Variants in GRM3 observed in about 807,000 individuals in gnomAD.
The protein encoded by GRM3 is metabotropic glutamate receptor 3.
Under a neutral mutation model 70.5 loss-of-function variants are expected in GRM3, and 26 were observed. The ratio of observed to expected loss-of-function variants is 0.37; its 90% CI spans 0.27 to 0.51. The LOEUF is 0.51. Ranked by LOEUF, GRM3 falls within the 20% of genes least tolerant of loss-of-function variation. The pLI is 0.93. For synonymous variants in GRM3, 443 were observed against 434.9 expected (o/e 1.02, Z -0.23); for missense variants, 859 against 1,123.8 (o/e 0.76, Z 3.37).
chr7:86,723,988 T>C (rs1795534166), intron 1 of GRM3, among the ~76,000 whole-genome samples: 2 of 152,198 alleles, frequency 1.3e-5, no homozygotes, highest in Admixed American at 1.3e-4. Flanking sequence ...TAACTATAAA[T>C]GAGGTAAATC....
At chr7:86,841,653 C>T (rs1000919485) in intron 4 of GRM3, among the ~76,000 whole-genome samples, 1 of 151,990 alleles carries the variant, frequency 6.6e-6, no homozygotes, top group African/African-American at 2.4e-5. Flanking sequence ...TGATTTGAAA[C>T]TCTTCATTCT....
intron 1 of GRM3, among the ~76,000 whole-genome samples, chr7:86,706,711 A>G (rs1795066366): frequency 6.6e-6 from 1 of 152,072 alleles, no homozygotes. Flanking sequence ...TATGCCAGGC[A>G]CATGATCTTG....
chr7:86,703,568 T>G (rs1794992842), intron 1 of GRM3, among the ~76,000 whole-genome samples: 1 of 152,008 alleles, frequency 6.6e-6, no homozygotes, highest in Non-Finnish European at 1.5e-5. Context: ...AAATGAGGAT[T>G]ATGTAATACT....
rs1386939409 is a variant in GRM3 at position 86,864,653 on chromosome 7, A to C, written c.*298A>C. 14 of 175,016 alleles carry C rather than the reference A, an allele frequency of 8.0e-5. No homozygotes were observed. The African/African-American group carries it at 8.3e-4, about 10-fold the overall frequency. 10.8% of individuals were successfully genotyped at this position (175,016 alleles called of 1,614,324 possible). A position where few individuals can be genotyped will look rare whatever the true frequency, so the allele number is the denominator to read the frequency against. On this transcript the variant is annotated 3_prime_UTR_variant, in exon 6 of 6. Transcript: ENST00000361669. Reference sequence around the variant, plus strand: ...TACTAAAAAACAAAAAAAAAAAACAAAAAAAAAAAAACAAAAGAAAAAAAT... The same window carrying C: ...TACTAAAAAACAAAAAAAAAAAACACAAAAAAAAAAACAAAAGAAAAAAAT...
chr7:86,856,410 C>T (rs138965911), intron 5 of GRM3, among the ~76,000 whole-genome samples: 52 of 149,026 alleles, frequency 3.5e-4, no homozygotes, highest in African/African-American at 1.3e-3. Context: ...CATGCCACTG[C>T]ACTCCAGCCT....
chr7:86,860,770 C>T, intron 5 of GRM3, among the ~76,000 whole-genome samples: 1 of 152,138 alleles, frequency 6.6e-6, no homozygotes, highest in South Asian at 2.1e-4. Context: ...CTATCTTTTG[C>T]AGACTCTGTC....
chr7:86,852,843 C>T (rs1798778609), intron 5 of GRM3, among the ~76,000 whole-genome samples: 1 of 152,058 alleles, frequency 6.6e-6, no homozygotes, highest in Non-Finnish European at 1.5e-5. Context: ...ATCACAAGTT[C>T]TATTTTATAG....
At position 86,644,559 on chromosome 7, in the gene GRM3, T is replaced by G. The variant is rs1212962954; in HGVS notation, c.-454T>G. ...TCTTTCCCCAACCTCCTCCCTCTCT[T>G]CTACTCCACCCCTCCGTTTTCCCAC... On this transcript the variant is annotated 5_prime_UTR_variant, in exon 1 of 6. Coordinates refer to ENST00000361669, the MANE Select transcript of GRM3 (RefSeq NM_000840.3). 1 of 396,798 alleles carries G rather than the reference T, an allele frequency of 2.5e-6. No homozygotes were observed. Among genetic ancestry groups the G allele is most frequent in the Non-Finnish European group, 5.0e-6 (1 of 198,190 alleles). 24.6% of individuals were successfully genotyped at this position (396,798 alleles called of 1,614,324 possible).
intron 1 of GRM3, among the ~76,000 whole-genome samples, chr7:86,652,639 A>T (rs1476112774): frequency 6.6e-6 from 1 of 152,166 alleles, no homozygotes; most frequent in African/African-American, 2.4e-5. Context: ...AGTAGCCGAT[A>T]GTATTAGGTC....
At chr7:86,764,780 G>C (rs1207218266) in intron 1 of GRM3, among the ~76,000 whole-genome samples, 3 of 152,044 alleles carry the variant, frequency 2.0e-5, no homozygotes, top group African/African-American at 7.2e-5. Flanking sequence ...TCACCTCCTT[G>C]ACCCTCTGTG....
intron 1 of GRM3, among the ~76,000 whole-genome samples, chr7:86,687,457 A>G (rs1262316442): frequency 6.6e-6 from 1 of 151,200 alleles, no homozygotes; most frequent in Non-Finnish European, 1.5e-5. Context: ...AAGACAATGG[A>G]TGGATATACT....
At position 86,732,075 on chromosome 7, in the gene GRM3, C is replaced by T. The variant is rs148356438; in HGVS notation, c.-140-32931C>T. ...ATTTTATTTCTAATAGCTACTTTAA[C>T]GAAGCACTGAGATGTTAAATTTTAA... On this transcript the variant is annotated intron_variant, in intron 1 of 5. Transcript: ENST00000361669. Among the ~76,000 whole-genome samples, 146 of 152,128 alleles carry T rather than the reference C, an allele frequency of 9.6e-4. 3 individuals are homozygous for T. The East Asian group carries it at 0.023, about 24-fold the overall frequency.
chr7:86,832,142 C>T (rs1798364453), intron 3 of GRM3, among the ~76,000 whole-genome samples: 1 of 151,964 alleles, frequency 6.6e-6, no homozygotes, highest in Non-Finnish European at 1.5e-5. Context: ...AGGGAGATGA[C>T]ACTGTCTTTC....
At chr7:86,646,756 T>C (rs1481743747) in intron 1 of GRM3, among the ~76,000 whole-genome samples, 1 of 152,086 alleles carries the variant, frequency 6.6e-6, no homozygotes, top group Non-Finnish European at 1.5e-5. Flanking sequence ...TTTATTTAAA[T>C]TGAATGGTAT....
intron 4 of GRM3, among the ~76,000 whole-genome samples, chr7:86,843,886 G>A (rs755281346): frequency 1.3e-5 from 2 of 152,170 alleles, no homozygotes; most frequent in Non-Finnish European, 2.9e-5. Flanking sequence ...GGTTACTGCA[G>A]TTTATCTCAA....
rs1371646412 is a variant in GRM3 at position 86,746,345 on chromosome 7, A to T, written c.-140-18661A>T. On this transcript the variant is annotated intron_variant, in intron 1 of 5. Coordinates refer to ENST00000361669, the MANE Select transcript of GRM3 (RefSeq NM_000840.3). Reference sequence around the variant, plus strand: ...TAATAGAGGGTCAGTCATGTATTATATATATATATATATATATATATATAT... The same window carrying T: ...TAATAGAGGGTCAGTCATGTATTATTTATATATATATATATATATATATAT... 1.2e-3 allele frequency among the ~76,000 whole-genome samples: 108 copies of T among 89,632 alleles called. 2 individuals are homozygous for T. The highest frequency in any genetic ancestry group is 3.7e-3 in the African/African-American group (99 of 26,772). The allele number at this position is 89,632 out of a possible 152,430, so 58.8% of individuals were successfully genotyped here.
chr7:86,856,728 G>A (rs992792902), intron 5 of GRM3, among the ~76,000 whole-genome samples: 1 of 152,136 alleles, frequency 6.6e-6, no homozygotes, highest in East Asian at 1.9e-4. Context: ...TTAGAGAATT[G>A]ATGTTTAGTA....
chr7:86,756,076 T>C (rs1796337763), intron 1 of GRM3, among the ~76,000 whole-genome samples: 1 of 152,142 alleles, frequency 6.6e-6, no homozygotes, highest in Non-Finnish European at 1.5e-5. Flanking sequence ...CTTTGTTTGT[T>C]TGTTTGTTTT....
At position 86,644,804 on chromosome 7, in the gene GRM3, G is replaced by A. The variant is rs1372786439; in HGVS notation, c.-209G>A. 1 of 1,289,704 alleles carries A rather than the reference G, an allele frequency of 7.8e-7. No homozygotes were observed. The highest frequency in any genetic ancestry group is 1.2e-5 in the South Asian group (1 of 81,016). 79.9% of individuals were successfully genotyped at this position (1,289,704 alleles called of 1,614,324 possible). On this transcript the variant is annotated 5_prime_UTR_variant, in exon 1 of 6. Coordinates refer to ENST00000361669, the MANE Select transcript of GRM3 (RefSeq NM_000840.3). ...AGGACCAACCATGAGCCAGAGCCCGGGTGCAGGCTCACCGCCGCCGCTGCC... is the reference window on the plus strand; with the variant it reads ...AGGACCAACCATGAGCCAGAGCCCGAGTGCAGGCTCACCGCCGCCGCTGCC...
Sources: allele counts gnomAD v4.1 joint callset (sites outside exome capture counted in the v4.1 genomes callset), GRCh38; gene constraint gnomAD v4.1.1; transcripts MANE v1.5; gene names NCBI Gene and HGNC (gene_info 2026-07-23, HGNC 2026-07-21).